The following NCALD variants were observed in gnomAD, a reference collection of about 807,000 sequenced individuals.
NCALD encodes neurocalcin-delta.
Under a neutral mutation model 18.6 loss-of-function variants are expected in NCALD, and 10 were observed. That is an observed-to-expected ratio of 0.54 (90% CI 0.33 to 0.91). NCALD has a LOEUF of 0.91. Among genes scored for constraint, NCALD ranks in the 40% least tolerant of loss-of-function variants. NCALD has a pLI of 0.03. For missense variants in NCALD, 184 were observed against 247.6 expected (o/e 0.74, Z 1.72); for synonymous variants, 88 against 87.4 (o/e 1.01, Z -0.04).
intron 1 of NCALD, among the ~76,000 whole-genome samples, chr8:101,772,399 G>A (rs1334306372): frequency 2.0e-5 from 3 of 152,138 alleles, no homozygotes. Flanking sequence ...TTTAGAAATC[G>A]TATCTTCCTA....
intron 2 of NCALD, among the ~76,000 whole-genome samples, chr8:101,994,250 G>A (rs542238891): frequency 2.5e-4 from 38 of 152,246 alleles, no homozygotes; most frequent in Non-Finnish European, 4.4e-5. Flanking sequence ...GCATCCTGTT[G>A]GTCAAATGCA....
At chr8:102,040,082 T>C (rs1298242369) in intron 1 of NCALD, among the ~76,000 whole-genome samples, 9 of 152,156 alleles carry the variant, frequency 5.9e-5, no homozygotes, top group East Asian at 1.9e-4. Flanking sequence ...AGGGATGCAA[T>C]AACATGTACT....
intron 2 of NCALD, among the ~76,000 whole-genome samples, chr8:101,932,646 T>C (rs557974442): frequency 6.6e-6 from 1 of 152,158 alleles, no homozygotes; most frequent in Non-Finnish European, 1.5e-5. Flanking sequence ...AAGCAAGGTC[T>C]AATCATTCTT....
At chr8:101,825,768 G>A (rs1813910763) in intron 4 of NCALD, among the ~76,000 whole-genome samples, 1 of 151,396 alleles carries the variant, frequency 6.6e-6, no homozygotes, top group Non-Finnish European at 1.5e-5. Flanking sequence ...AAACATTTTA[G>A]GCTTTGCAGG....
chr8:101,772,977 T>G (rs1282534188), intron 1 of NCALD, among the ~76,000 whole-genome samples: 1 of 152,170 alleles, frequency 6.6e-6, no homozygotes, highest in Non-Finnish European at 1.5e-5. Context: ...TATCTCATCT[T>G]ATTGTCCCCA....
chr8:101,981,338 T>C (rs184705684), intron 2 of NCALD, among the ~76,000 whole-genome samples: 1 of 152,364 alleles, frequency 6.6e-6, no homozygotes, highest in Non-Finnish European at 1.5e-5. Context: ...TAGCCAGTTA[T>C]ATTTTAGTTT....
At chr8:101,884,830 A>AAC (rs1479373209) in intron 4 of NCALD, among the ~76,000 whole-genome samples, 1 of 152,128 alleles carries the variant, frequency 6.6e-6, no homozygotes, top group Non-Finnish European at 1.5e-5. Context: ...TATATTTGAA[A>AAC]ACATCTGGAA....
At chr8:101,981,767 A>ACC in intron 2 of NCALD, among the ~76,000 whole-genome samples, 1 of 102,196 alleles carries the variant, frequency 9.8e-6, no homozygotes. Flanking sequence ...CTTTTTCTAA[A>ACC]CAGTCTTCAG....
chr8:101,794,841 G>T (rs988770027), upstream of NCALD, among the ~76,000 whole-genome samples: 5 of 152,112 alleles, frequency 3.3e-5, no homozygotes, highest in Non-Finnish European at 5.9e-5. Flanking sequence ...CATTTGATAT[G>T]CTTTTAGAAA....
At chr8:101,716,474 A>G (rs945596158) in intron 2 of NCALD, among the ~76,000 whole-genome samples, 1 of 152,228 alleles carries the variant, frequency 6.6e-6, no homozygotes, top group Non-Finnish European at 1.5e-5. Flanking sequence ...ATAATTTTTT[A>G]AAAAAGAAAA....
intron 2 of NCALD, among the ~76,000 whole-genome samples, chr8:102,005,273 A>T (rs572642502): frequency 5.2e-5 from 8 of 152,392 alleles, no homozygotes; most frequent in African/African-American, 1.9e-4. Context: ...GACACATGAA[A>T]AAATGCTCAT....
intron 2 of NCALD, among the ~76,000 whole-genome samples, chr8:101,916,581 T>C (rs1183602151): frequency 6.6e-6 from 1 of 152,142 alleles, no homozygotes; most frequent in Non-Finnish European, 1.5e-5. Flanking sequence ...GAGTAGCAAG[T>C]TGGATAAAAG....
intron 1 of NCALD, among the ~76,000 whole-genome samples, chr8:101,760,863 A>G (rs1243358655): frequency 1.3e-5 from 2 of 152,298 alleles, no homozygotes; most frequent in Middle Eastern, 3.4e-3. Flanking sequence ...CTTCAAAGGC[A>G]TCATAGAGAT....
chr8:101,925,024 TCA>T (rs1340390751), intron 2 of NCALD, among the ~76,000 whole-genome samples: 2 of 152,042 alleles, frequency 1.3e-5, no homozygotes, highest in Non-Finnish European at 1.5e-5. Context: ...CATTTATATC[TCA>T]GAGTTGGTTT....
At chr8:102,079,614 T>C (rs567250242) in intron 1 of NCALD, among the ~76,000 whole-genome samples, 2 of 152,334 alleles carry the variant, frequency 1.3e-5, no homozygotes, top group Non-Finnish European at 2.9e-5. Flanking sequence ...ACTACGGCTT[T>C]AAAGTGTCAA....
intron 1 of NCALD, among the ~76,000 whole-genome samples, chr8:101,786,924 A>G (rs1274181696): frequency 2.0e-5 from 3 of 152,206 alleles, no homozygotes; most frequent in Non-Finnish European, 4.4e-5. Context: ...ATGAAAATAC[A>G]TGCAAAAAAC....
At chr8:101,732,128 C>T (rs1380370234) in intron 1 of NCALD, among the ~76,000 whole-genome samples, 2 of 152,216 alleles carry the variant, frequency 1.3e-5, no homozygotes, top group Admixed American at 1.3e-4. Context: ...TAGGTTAAAA[C>T]CTTACTCTGG....
chr8:101,773,104 A>T (rs1811652718), intron 1 of NCALD, among the ~76,000 whole-genome samples: 1 of 152,158 alleles, frequency 6.6e-6, no homozygotes, highest in African/African-American at 2.4e-5. Context: ...TTGAGCCAGG[A>T]TTTGAACCCC....
intron 2 of NCALD, among the ~76,000 whole-genome samples, chr8:101,953,432 A>G (rs1819506861): frequency 6.6e-6 from 1 of 152,218 alleles, no homozygotes; most frequent in Non-Finnish European, 1.5e-5. Context: ...ATCTGGAGAG[A>G]CATTAAGAGT....
Sources: gnomAD v4.1 joint callset for allele counts (sites outside exome capture counted in the v4.1 genomes callset) on GRCh38, gnomAD v4.1.1 for gene constraint, MANE v1.5 for transcripts, NCBI Gene and HGNC (gene_info 2026-07-23, HGNC 2026-07-21) for gene names.